BMP7: variants seen among roughly 807,000 people sequenced by gnomAD.
The protein encoded by BMP7 is osteogenic protein 1.
In BMP7, 12 loss-of-function variants were observed where a neutral mutation model predicts 41.2. That is an observed-to-expected ratio of 0.29 (90% CI 0.19 to 0.47). The LOEUF is 0.47. Among genes scored for constraint, BMP7 ranks in the 20% least tolerant of loss-of-function variants. The probability of loss-of-function intolerance (pLI) is 0.99; values close to 1 mark genes in which losing one functional copy is unlikely to be tolerated. For synonymous variants in BMP7, 248 were observed against 250.0 expected, an observed-to-expected ratio of 0.99 and a Z score of 0.07; for missense variants, 467 against 606.0, an observed-to-expected ratio of 0.77 and a Z score of 2.41.
intron 3 of BMP7, among the ~76,000 whole-genome samples, chr20:57,197,306 A>G (rs571123462): frequency 6.6e-6 from 1 of 151,870 alleles, no homozygotes; most frequent in African/African-American, 2.4e-5. Context: ...CAAGAAGCCT[A>G]CTGTCTTCTG....
chr20:57,208,108 C>T (rs1014797487), intron 2 of BMP7, among the ~76,000 whole-genome samples: 3 of 152,120 alleles, frequency 2.0e-5, no homozygotes, highest in South Asian at 2.1e-4. Context: ...GGATTACAGG[C>T]GTGAGCCACC....
At chr20:57,181,132 A>G (rs1169675663) in intron 4 of BMP7, among the ~76,000 whole-genome samples, 3 of 152,138 alleles carry the variant, frequency 2.0e-5, no homozygotes, top group African/African-American at 4.8e-5. Flanking sequence ...CCTTGTGATC[A>G]ACCTGGAGCC....
chr20:57,242,832 G>A (rs965665670), intron 1 of BMP7, among the ~76,000 whole-genome samples: 7 of 151,792 alleles, frequency 4.6e-5, no homozygotes, highest in African/African-American at 7.3e-5. Context: ...CTGAAACATC[G>A]TCTCTACTAA....
intron 1 of BMP7, among the ~76,000 whole-genome samples, chr20:57,242,670 G>T (rs965289580): frequency 1.3e-5 from 2 of 152,172 alleles, no homozygotes; most frequent in Non-Finnish European, 2.9e-5. Context: ...CCGTGACTGA[G>T]ATCTGAATGT....
intron 4 of BMP7, 78 bp from the exon 5 acceptor site, chr20:57,175,085 TA>T: frequency 7.0e-7 from 1 of 1,427,808 alleles, no homozygotes; most frequent in Non-Finnish European, 9.6e-7. Context: ...CCCTCCATCT[TA>T]GGCAGTGATG....
At chr20:57,254,471 G>T (rs1234123940) in intron 1 of BMP7, among the ~76,000 whole-genome samples, 2 of 152,034 alleles carry the variant, frequency 1.3e-5, no homozygotes, top group Non-Finnish European at 2.9e-5. Context: ...ATGTGTCCAT[G>T]GTATTACTGC....
At chr20:57,254,930 G>T (rs2066128446) in intron 1 of BMP7, among the ~76,000 whole-genome samples, 1 of 152,118 alleles carries the variant, frequency 6.6e-6, no homozygotes, top group African/African-American at 2.4e-5. Context: ...GGGTTATGGG[G>T]TACATGTAGG....
At chr20:57,248,192 C>A (rs1335034877) in intron 1 of BMP7, among the ~76,000 whole-genome samples, 1 of 152,190 alleles carries the variant, frequency 6.6e-6, no homozygotes, top group Non-Finnish European at 1.5e-5. Context: ...TACAGTGGAA[C>A]CACATCACAT....
chr20:57,248,739 T>G (rs1460296695), intron 1 of BMP7, among the ~76,000 whole-genome samples: 1 of 152,176 alleles, frequency 6.6e-6, no homozygotes, highest in African/African-American at 2.4e-5. Flanking sequence ...GCTGAAGCCA[T>G]GCTAGGCAGG....
intron 1 of BMP7, among the ~76,000 whole-genome samples, chr20:57,257,333 C>T (rs1198349599): frequency 2.6e-5 from 4 of 152,022 alleles, no homozygotes; most frequent in Admixed American, 2.6e-4. Flanking sequence ...AAAGAACAGT[C>T]CATTGCACCG....
In BMP7 at chr20:57,202,508, GGTT is replaced by G. The variant is rs1984645432; in HGVS notation, c.724_726del (p.Asn242del). 1 of 1,608,718 alleles carries G rather than the reference GGTT, an allele frequency of 6.2e-7. No homozygotes were observed. The highest frequency in any genetic ancestry group is 1.3e-5 in the African/African-American group (1 of 74,834). On this transcript the variant is annotated inframe_deletion, in exon 3 of 7. Coordinates refer to ENST00000395863, the MANE Select transcript of BMP7 (RefSeq NM_001719.3). ...GTCTCCACCGAGAGCTGCAGGCCCAGGTTGTGCCGCGGATTGACCACCCAGTGG... is the reference window on the plus strand; with the variant it reads ...GTCTCCACCGAGAGCTGCAGGCCCAGGTGCCGCGGATTGACCACCCAGTGG...
intron 1 of BMP7, among the ~76,000 whole-genome samples, chr20:57,257,352 C>T (rs1029947872): frequency 5.3e-5 from 8 of 152,052 alleles, no homozygotes; most frequent in Non-Finnish European, 1.2e-4. Context: ...CGCAAATTTT[C>T]ATGACTGCAA....
In BMP7 at chr20:57,228,401, A is replaced by G; in HGVS notation, c.439T>C (p.Phe147Leu). 1.9e-6 allele frequency: 3 copies of G among 1,614,168 alleles called. No homozygotes were observed. The highest frequency in any genetic ancestry group is 2.5e-6 in the Non-Finnish European group (3 of 1,180,006). ...VNLVEHDKEF[F>L]HPRYHHREFR... is the part of the protein sequence containing the mutation. The stretch of plus-strand genomic sequence containing the variant: ...TCTCGATGGTGGTAGCGTGGGTGGA[A>G]GAATTCCTTGTCATGTTCCACTGGA... The change falls in exon 2 of 7, where the codon TTC (phenylalanine) becomes CTC (leucine). Residue 147 changes from phenylalanine (F) to leucine (L), a missense_variant. Physicochemically the swap from Phe to Leu is conservative, Grantham distance 22. Around this residue, in one of 2 missense-constraint regions of BMP7, gnomAD observed 407 missense variants for 485.9 expected, o/e 0.84. Coordinates refer to ENST00000395863, the MANE Select transcript of BMP7 (RefSeq NM_001719.3). The surrounding 1 kb of genome is among the most constrained non-coding windows in gnomAD (Gnocchi z 4.5).
chr20:57,175,971 G>T (rs780979494), intron 4 of BMP7, among the ~76,000 whole-genome samples: 5 of 152,154 alleles, frequency 3.3e-5, no homozygotes, highest in African/African-American at 4.8e-5. Context: ...CTCAAGCCTT[G>T]GTTCCAATGT....
chr20:57,201,467 C>T (rs147046068), intron 3 of BMP7, among the ~76,000 whole-genome samples: 348 of 152,198 alleles, frequency 2.3e-3, no homozygotes, highest in Non-Finnish European at 4.1e-3. Context: ...AACAGAAAGC[C>T]GAATCTCCAT....
intron 1 of BMP7, among the ~76,000 whole-genome samples, chr20:57,245,475 G>C (rs1280434669): frequency 6.6e-6 from 1 of 151,514 alleles, no homozygotes; most frequent in Non-Finnish European, 1.5e-5. Context: ...GCCTCCCAAA[G>C]TGCTGGAATT....
At position 57,213,672 on chromosome 20, in the gene BMP7, G is replaced by A. The variant is rs1568717070; in HGVS notation, c.612-11049C>T. On this transcript the variant is annotated intron_variant, in intron 2 of 6. Coordinates refer to ENST00000395863, the MANE Select transcript of BMP7 (RefSeq NM_001719.3). The surrounding 1 kb of genome is among the most constrained non-coding windows in gnomAD (Gnocchi z 4.4). ...CAGCCACCAGCAGAGACAATCAGGG[G>A]GTGAGAGGCCCGGAATCCTCTTTGT... Among the ~76,000 whole-genome samples, 1 of 152,134 alleles carries A rather than the reference G, an allele frequency of 6.6e-6. No homozygotes were observed. Among genetic ancestry groups the A allele is most frequent in the Admixed American group, 6.5e-5 (1 of 15,280 alleles).
At chr20:57,192,755 GA>G (rs201804411) in intron 3 of BMP7, among the ~76,000 whole-genome samples, 32 of 133,290 alleles carry the variant, frequency 2.4e-4, no homozygotes, top group East Asian at 8.6e-4. Context: ...AGCAGATTTT[GA>G]AAAAAAAAAA....
At chr20:57,211,086 C>A (rs1199152558) in intron 2 of BMP7, among the ~76,000 whole-genome samples, 3 of 152,216 alleles carry the variant, frequency 2.0e-5, no homozygotes, top group Non-Finnish European at 4.4e-5. Flanking sequence ...TGTGGAATCA[C>A]CCGGCTGGTG....
Sources: gnomAD v4.1 joint callset for allele counts (sites outside exome capture counted in the v4.1 genomes callset) on GRCh38, gnomAD v4.1.1 for gene constraint, gnomAD v4.1.1 regional missense constraint, Gnocchi (gnomAD v3.1) non-coding constraint, MANE v1.5 for transcripts, NCBI Gene and HGNC (gene_info 2026-07-23, HGNC 2026-07-21) for gene names.